KCNIP4: variants seen among roughly 807,000 people sequenced by gnomAD.
KCNIP4 encodes the protein Kv channel-interacting protein 4.
KCNIP4 carries 12 observed loss-of-function variants against 34.0 expected under a neutral mutation model. The observed-to-expected ratio is 0.35, with a 90% CI of 0.23 to 0.57. KCNIP4 has a LOEUF of 0.57. Ranked by LOEUF, KCNIP4 falls within the 20% of genes least tolerant of loss-of-function variation. KCNIP4 has a pLI of 0.83. For synonymous variants in KCNIP4, 124 were observed against 102.2 expected (o/e 1.21, Z -1.29); for missense variants, 238 against 311.7 (o/e 0.76, Z 1.78).
chr4:21,074,984 T>G (rs1745345100), intron 1 of KCNIP4, among the ~76,000 whole-genome samples: 1 of 152,206 alleles, frequency 6.6e-6, no homozygotes, highest in African/African-American at 2.4e-5. Context: ...CTAGTTTGAT[T>G]GCACTGTGGT....
At chr4:21,182,219 G>A (rs1754891240) in intron 1 of KCNIP4, among the ~76,000 whole-genome samples, 1 of 152,094 alleles carries the variant, frequency 6.6e-6, no homozygotes, top group Admixed American at 6.6e-5. Flanking sequence ...AAACAATAGT[G>A]AAGCTATGAA....
intron 1 of KCNIP4, among the ~76,000 whole-genome samples, chr4:21,287,946 C>A (rs1484242840): frequency 6.6e-6 from 1 of 152,038 alleles, no homozygotes; most frequent in South Asian, 2.1e-4. Context: ...TAATGATTTG[C>A]CTGATTCTTA....
In KCNIP4 at chr4:20,999,056, C is replaced by T. The variant is rs1222913461; in HGVS notation, c.62-116347G>A. 2.6e-5 allele frequency among the ~76,000 whole-genome samples: 4 copies of T among 152,158 alleles called. No homozygotes were observed. The East Asian group carries it at 5.8e-4, about 22-fold the overall frequency. The stretch of plus-strand genomic sequence containing the variant: ...AGCAAAGGTGGTTTCATCCTGGGAG[C>T]TCATTTCACAGACACTTAACTCACT... On this transcript the variant is annotated intron_variant, in intron 1 of 8. Coordinates refer to ENST00000382152, the MANE Select transcript of KCNIP4 (RefSeq NM_025221.6).
At chr4:21,456,929 C>G (rs993945946) in intron 1 of KCNIP4, among the ~76,000 whole-genome samples, 5 of 152,106 alleles carry the variant, frequency 3.3e-5, no homozygotes, top group Admixed American at 1.3e-4. Context: ...ACCGCCGGGT[C>G]ACCCTGGGCT....
At chr4:21,083,436 A>G (rs1461939793) in intron 1 of KCNIP4, among the ~76,000 whole-genome samples, 1 of 151,808 alleles carries the variant, frequency 6.6e-6, no homozygotes, top group East Asian at 1.9e-4. Flanking sequence ...AGGATCTTCA[A>G]AGGAGGTTCT....
chr4:20,877,766 C>T (rs1724219859), intron 2 of KCNIP4, among the ~76,000 whole-genome samples: 1 of 152,084 alleles, frequency 6.6e-6, no homozygotes, highest in South Asian at 2.1e-4. Flanking sequence ...ATGACAGTCT[C>T]AAATCTTGCA....
At chr4:20,841,652 C>T (rs10001943) in intron 3 of KCNIP4, among the ~76,000 whole-genome samples, 56,007 of 151,526 alleles carry the variant, frequency 0.37, 10,744 homozygotes, top group Non-Finnish European at 0.43. Context: ...ATCTCCTTTC[C>T]GTCTTAATCT....
At chr4:20,971,909 G>C (rs996716957) in intron 1 of KCNIP4, among the ~76,000 whole-genome samples, 1 of 152,168 alleles carries the variant, frequency 6.6e-6, no homozygotes, top group Non-Finnish European at 1.5e-5. Flanking sequence ...TCTCAAATAA[G>C]TTTATGCAGT....
chr4:20,971,505 T>C (rs1368848850), intron 1 of KCNIP4, among the ~76,000 whole-genome samples: 2 of 152,104 alleles, frequency 1.3e-5, no homozygotes, highest in South Asian at 2.1e-4. Flanking sequence ...CCTGTGAATA[T>C]AAATGTTTAC....
chr4:21,068,829 T>C (rs1744645911), intron 1 of KCNIP4, among the ~76,000 whole-genome samples: 1 of 152,170 alleles, frequency 6.6e-6, no homozygotes, highest in African/African-American at 2.4e-5. Context: ...ATCTTAATAA[T>C]TTTATTTAGA....
At chr4:21,204,843 T>C (rs570233319) in intron 1 of KCNIP4, among the ~76,000 whole-genome samples, 26 of 152,300 alleles carry the variant, frequency 1.7e-4, no homozygotes, top group African/African-American at 6.3e-4. Flanking sequence ...GATGTAGAAA[T>C]GTTCCCGATA....
At chr4:21,749,116 T>C (rs1231445353) in intron 1 of KCNIP4, among the ~76,000 whole-genome samples, 1 of 152,164 alleles carries the variant, frequency 6.6e-6, no homozygotes, top group Non-Finnish European at 1.5e-5. Context: ...TGGCAAATTG[T>C]TTCAAGCATT....
At chr4:21,269,735 C>T (rs1254417882) in intron 1 of KCNIP4, among the ~76,000 whole-genome samples, 1 of 151,954 alleles carries the variant, frequency 6.6e-6, no homozygotes, top group Non-Finnish European at 1.5e-5. Context: ...TGCCACATCT[C>T]GATAACCTAA....
chr4:21,187,442 T>C (rs954937971), intron 1 of KCNIP4, among the ~76,000 whole-genome samples: 3 of 152,226 alleles, frequency 2.0e-5, no homozygotes, highest in Non-Finnish European at 4.4e-5. Flanking sequence ...CTGTAACCTC[T>C]AAGAGTGAGA....
chr4:21,423,469 C>G (rs545135102), intron 1 of KCNIP4, among the ~76,000 whole-genome samples: 1 of 152,254 alleles, frequency 6.6e-6, no homozygotes, highest in African/African-American at 2.4e-5. Flanking sequence ...TAACATTATA[C>G]CTAGCACAAA....
At chr4:21,716,757 CCCAT>C (rs1458094206) in intron 1 of KCNIP4, among the ~76,000 whole-genome samples, 1 of 152,108 alleles carries the variant, frequency 6.6e-6, no homozygotes, top group Admixed American at 6.5e-5. Context: ...GGTGACTCAT[CCCAT>C]GCTAAAACGG....
chr4:21,204,751 T>A (rs938186832), intron 1 of KCNIP4, among the ~76,000 whole-genome samples: 1 of 152,204 alleles, frequency 6.6e-6, no homozygotes, highest in Admixed American at 6.5e-5. Flanking sequence ...ATGGGCAGCT[T>A]TTTTAGAAAG....
intron 1 of KCNIP4, among the ~76,000 whole-genome samples, chr4:21,908,864 G>A (rs577083332): frequency 5.3e-5 from 8 of 152,276 alleles, no homozygotes; most frequent in East Asian, 3.9e-4. Context: ...ACTGGAAATT[G>A]AGAATGGAGA....
intron 1 of KCNIP4, among the ~76,000 whole-genome samples, chr4:20,975,514 C>G (rs2149683420): frequency 6.6e-6 from 1 of 152,198 alleles, no homozygotes; most frequent in East Asian, 1.9e-4. Flanking sequence ...CTAAGTTGGT[C>G]CAGCAGTGTG....
Sources: gnomAD v4.1 joint callset for allele counts (sites outside exome capture counted in the v4.1 genomes callset) on GRCh38, gnomAD v4.1.1 for gene constraint, MANE v1.5 for transcripts, NCBI Gene and HGNC (gene_info 2026-07-23, HGNC 2026-07-21) for gene names.